The following SDK1 variants were observed in gnomAD, a reference collection of about 807,000 sequenced individuals.
SDK1 encodes sidekick cell adhesion molecule 1, also known as protein sidekick-1.
In SDK1, 157 loss-of-function variants were observed where a neutral mutation model predicts 245.5. That is an observed-to-expected ratio of 0.64 (90% confidence interval 0.56 to 0.73). The LOEUF is 0.73. SDK1 is among the 30% of genes least tolerant of loss of function. The pLI is 0.00. For synonymous variants in SDK1, 1,647 were observed against 1,278.5 expected (o/e 1.29, Z -6.15); for missense variants, 3,583 against 3,002.3 (o/e 1.19, Z -4.52).
intron 1 of SDK1, among the ~76,000 whole-genome samples, chr7:3,476,229 A>G (rs1335924066): frequency 6.6e-6 from 1 of 152,120 alleles, no homozygotes; most frequent in Non-Finnish European, 1.5e-5. Context: ...ATCTGCTTTC[A>G]CCTTTTATGG....
chr7:4,254,881 AT>A (rs1787533509), intron 44 of SDK1, among the ~76,000 whole-genome samples: 1 of 151,996 alleles, frequency 6.6e-6, no homozygotes, highest in East Asian at 1.9e-4. Context: ...CCTACCAGGG[AT>A]GACTGTGGTT....
intron 4 of SDK1, among the ~76,000 whole-genome samples, chr7:3,727,582 C>G (rs1322736377): frequency 6.6e-6 from 1 of 152,108 alleles, no homozygotes; most frequent in Non-Finnish European, 1.5e-5. Flanking sequence ...CCTCCACCTC[C>G]TGGGTTCAAG....
intron 5 of SDK1, among the ~76,000 whole-genome samples, chr7:3,897,114 C>A (rs1179359056): frequency 3.3e-5 from 5 of 152,176 alleles, no homozygotes; most frequent in Non-Finnish European, 7.3e-5. Flanking sequence ...AATTCAATCA[C>A]CTCCCACTAG....
chr7:3,743,493 G>T (rs1779533000), intron 4 of SDK1, among the ~76,000 whole-genome samples: 1 of 152,150 alleles, frequency 6.6e-6, no homozygotes, highest in South Asian at 2.1e-4. Context: ...AGGGCAAGCA[G>T]CCCCTGAGAA....
intron 4 of SDK1, among the ~76,000 whole-genome samples, chr7:3,767,488 G>A (rs973102740): frequency 2.0e-5 from 3 of 151,554 alleles, no homozygotes; most frequent in Non-Finnish European, 4.4e-5. Flanking sequence ...TATTTTTCTT[G>A]TAATTGCTTA....
intron 5 of SDK1, among the ~76,000 whole-genome samples, chr7:3,903,920 C>G (rs950225364): frequency 6.6e-6 from 1 of 152,102 alleles, no homozygotes; most frequent in Non-Finnish European, 1.5e-5. Flanking sequence ...TAGACTCTGT[C>G]TTGCTTTCTC....
intron 4 of SDK1, among the ~76,000 whole-genome samples, chr7:3,787,223 C>T (rs937472580): frequency 2.0e-5 from 3 of 151,290 alleles, no homozygotes; most frequent in African/African-American, 7.3e-5. Flanking sequence ...GGACTATTGC[C>T]GTTAGTCTTT....
At chr7:4,255,402 C>T (rs1029086706) in intron 44 of SDK1, among the ~76,000 whole-genome samples, 46 of 152,200 alleles carry the variant, frequency 3.0e-4, no homozygotes, top group Admixed American at 2.6e-4. Flanking sequence ...CTTCTTCTTC[C>T]ATAGTGACAC....
intron 4 of SDK1, among the ~76,000 whole-genome samples, chr7:3,729,424 C>T (rs4551240): frequency 6.6e-6 from 1 of 152,110 alleles, no homozygotes; most frequent in Non-Finnish European, 1.5e-5. Flanking sequence ...TTAACAATTT[C>T]TGGAGACATT....
chr7:4,034,940 C>T (rs556164366), intron 17 of SDK1, among the ~76,000 whole-genome samples: 1 of 152,314 alleles, frequency 6.6e-6, no homozygotes, highest in South Asian at 2.1e-4. Flanking sequence ...ATAGAATTGG[C>T]TTTGAAAGCA....
At chr7:3,798,733 C>G (rs939067284) in intron 4 of SDK1, among the ~76,000 whole-genome samples, 2 of 152,158 alleles carry the variant, frequency 1.3e-5, no homozygotes, top group East Asian at 3.9e-4. Context: ...AAGCAAGTCT[C>G]TTAGCCCGGC....
rs143496723 is a variant in SDK1, at chr7:3,722,004, T to C, written c.713+79899T>C. Among the ~76,000 whole-genome samples, 817 of 152,266 alleles carry C rather than the reference T, an allele frequency of 5.4e-3. 8 individuals are homozygous for C. Among genetic ancestry groups the C allele is most frequent in the African/African-American group, 0.018 (749 of 41,532 alleles). ...CCAGTCTGGAAGGCAGTGGCAACGA[T>C]CATGCCTCACTGCAGCCTTGACCTC... is the stretch of plus-strand genomic sequence containing the variant. On this transcript the variant is annotated intron_variant, in intron 4 of 44. Transcript: ENST00000404826.
chr7:3,773,206 G>C (rs957160937), intron 4 of SDK1, among the ~76,000 whole-genome samples: 2 of 151,978 alleles, frequency 1.3e-5, no homozygotes, highest in Admixed American at 6.6e-5. Context: ...TGTCCCTCAA[G>C]TCCCTTTTGC....
At chr7:3,652,355 A>G (rs1783036757) in intron 4 of SDK1, among the ~76,000 whole-genome samples, 1 of 152,182 alleles carries the variant, frequency 6.6e-6, no homozygotes, top group African/African-American at 2.4e-5. Context: ...GTCCTGGCAA[A>G]TGTGACCTGG....
intron 1 of SDK1, among the ~76,000 whole-genome samples, chr7:3,591,382 C>A (rs1017123636): frequency 1.8e-4 from 28 of 152,206 alleles, no homozygotes; most frequent in Non-Finnish European, 4.4e-5. Context: ...ATCTGATTGA[C>A]CTGGGAAGGA....
intron 8 of SDK1, 142 bp from the exon 9 acceptor site, chr7:3,962,515 C>A: frequency 4.4e-6 from 3 of 688,578 alleles, no homozygotes; most frequent in Non-Finnish European, 7.1e-6. Flanking sequence ...AGAAAAATAG[C>A]TCCTTATAGG....
chr7:3,403,208 A>G (rs1778937863), intron 1 of SDK1, among the ~76,000 whole-genome samples: 1 of 152,194 alleles, frequency 6.6e-6, no homozygotes, highest in Non-Finnish European at 1.5e-5. Context: ...TGTTGGGATT[A>G]CAGGTGTGAG....
chr7:4,162,514 C>G (rs1452711327), intron 32 of SDK1, among the ~76,000 whole-genome samples: 1 of 151,962 alleles, frequency 6.6e-6, no homozygotes, highest in African/African-American at 2.4e-5. Flanking sequence ...ATTCTCCTGC[C>G]TCAGCCTCCC....
At chr7:3,764,984 A>C (rs1392810168) in intron 4 of SDK1, among the ~76,000 whole-genome samples, 1 of 152,178 alleles carries the variant, frequency 6.6e-6, no homozygotes, top group South Asian at 2.1e-4. Context: ...TTTTTAATGA[A>C]TTATGAATCT....
Sources: gnomAD v4.1 joint callset for allele counts (sites outside exome capture counted in the v4.1 genomes callset) on GRCh38, gnomAD v4.1.1 for gene constraint, MANE v1.5 for transcripts, NCBI Gene and HGNC (gene_info 2026-07-23, HGNC 2026-07-21) for gene names.